Variants in CNBD1 observed in about 807,000 individuals in gnomAD.
CNBD1 encodes the protein cyclic nucleotide-binding domain-containing protein 1.
A neutral mutation model predicts 54.4 loss-of-function variants in CNBD1; 71 were observed. That is an observed-to-expected ratio of 1.30 (90% CI 1.08 to 1.59). CNBD1 has a LOEUF of 1.59. Ranked by LOEUF, CNBD1 falls within the 40% of genes most tolerant of loss-of-function variation. The pLI is 0.00. For synonymous variants in CNBD1, 182 were observed against 170.7 expected (o/e 1.07, Z -0.51); for missense variants, 659 against 518.0 (o/e 1.27, Z -2.64).
chr8:87,331,214 C>A (rs964013693), intron 8 of CNBD1, among the ~76,000 whole-genome samples: 4 of 152,136 alleles, frequency 2.6e-5, no homozygotes, highest in Non-Finnish European at 5.9e-5. Context: ...TTTCCCACCC[C>A]TTGCACCCCG....
intron 10 of CNBD1, among the ~76,000 whole-genome samples, chr8:87,367,385 T>C (rs1586051402): frequency 6.6e-6 from 1 of 152,110 alleles, no homozygotes; most frequent in South Asian, 2.1e-4. Flanking sequence ...GTTGAGGTGA[T>C]GAAGAGGTAT....
chr8:87,388,554 G>C (rs1285929123), intron 2 of CNBD1, among the ~76,000 whole-genome samples: 12 of 152,160 alleles, frequency 7.9e-5, no homozygotes, highest in African/African-American at 1.2e-4. Flanking sequence ...AAACCAGGAA[G>C]AAGCTGAATC....
At chr8:87,330,700 T>C (rs1218889726) in intron 8 of CNBD1, among the ~76,000 whole-genome samples, 2 of 152,204 alleles carry the variant, frequency 1.3e-5, no homozygotes, top group Non-Finnish European at 2.9e-5. Context: ...TTTTATGGGC[T>C]GAAATGTGGT....
chr8:87,374,144 C>T (rs1810877381), intron 10 of CNBD1, among the ~76,000 whole-genome samples: 1 of 151,612 alleles, frequency 6.6e-6, no homozygotes, highest in Non-Finnish European at 1.5e-5. Flanking sequence ...ATAATGTGCC[C>T]CATCAACATG....
At chr8:86,921,606 G>A (rs913292348) in intron 3 of CNBD1, among the ~76,000 whole-genome samples, 17 of 152,136 alleles carry the variant, frequency 1.1e-4, no homozygotes, top group African/African-American at 4.1e-4. Context: ...AAGACAGAAT[G>A]AGAGCAAAGT....
At chr8:87,407,026 G>T (rs1807663920) in intron 2 of CNBD1, among the ~76,000 whole-genome samples, 2 of 151,508 alleles carry the variant, frequency 1.3e-5, no homozygotes, top group Non-Finnish European at 2.9e-5. Context: ...TTACCTGAAG[G>T]CTATCATATA....
intron 4 of CNBD1, among the ~76,000 whole-genome samples, chr8:87,066,787 TTG>T (rs1810664694): frequency 6.6e-6 from 1 of 151,978 alleles, no homozygotes; most frequent in Non-Finnish European, 1.5e-5. Context: ...GTTTCAAAAA[TTG>T]TGATTAAAGT....
intron 4 of CNBD1, among the ~76,000 whole-genome samples, chr8:86,966,126 C>T (rs1439484717): frequency 2.6e-5 from 4 of 152,230 alleles, no homozygotes; most frequent in Non-Finnish European, 5.9e-5. Context: ...TGAGTCCCCA[C>T]TCTGGTCTGC....
chr8:87,400,120 T>G, intron 2 of CNBD1, among the ~76,000 whole-genome samples: 1 of 151,950 alleles, frequency 6.6e-6, no homozygotes, highest in East Asian at 1.9e-4. Context: ...CTTTTGTTCC[T>G]GTCTGAGCGA....
chr8:86,971,664 C>CT (rs976604293), intron 4 of CNBD1, among the ~76,000 whole-genome samples: 18 of 151,858 alleles, frequency 1.2e-4, no homozygotes, highest in African/African-American at 3.9e-4. Context: ...AGTTTCTATA[C>CT]TTTTTTTGAG....
chr8:87,426,128 C>T (rs36167360), intron 2 of CNBD1, among the ~76,000 whole-genome samples: 21 of 152,246 alleles, frequency 1.4e-4, no homozygotes, highest in Admixed American at 1.4e-3. Flanking sequence ...AGGGAACTCC[C>T]TGAGCCCTTG....
At chr8:87,377,876 T>C (rs1036952321) in intron 10 of CNBD1, among the ~76,000 whole-genome samples, 4 of 151,476 alleles carry the variant, frequency 2.6e-5, no homozygotes, top group East Asian at 1.9e-4. Context: ...CTCACTGTGG[T>C]TTCGATTTGC....
chr8:87,234,694 C>A (rs778041753), intron 5 of CNBD1, among the ~76,000 whole-genome samples: 6 of 152,012 alleles, frequency 3.9e-5, no homozygotes, highest in Non-Finnish European at 7.4e-5. Flanking sequence ...TTGTTCAGGG[C>A]CCTAGAATTT....
intron 4 of CNBD1, among the ~76,000 whole-genome samples, chr8:87,191,619 G>A (rs1375302751): frequency 6.6e-6 from 1 of 152,162 alleles, no homozygotes; most frequent in Non-Finnish European, 1.5e-5. Flanking sequence ...TAAGGATCCA[G>A]TTTAGGGAAA....
chr8:87,272,585 A>G (rs1459987210), intron 6 of CNBD1, among the ~76,000 whole-genome samples: 2 of 151,974 alleles, frequency 1.3e-5, no homozygotes, highest in African/African-American at 4.8e-5. Flanking sequence ...TGACAAGAAA[A>G]AGTCTGTGAT....
intron 5 of CNBD1, among the ~76,000 whole-genome samples, chr8:87,223,192 C>T (rs904842511): frequency 4.0e-5 from 6 of 150,502 alleles, no homozygotes; most frequent in Non-Finnish European, 8.9e-5. Context: ...TTTACCTCCC[C>T]ACCTTTTTGC....
chr8:86,919,223 G>A (rs2131822923), intron 3 of CNBD1, among the ~76,000 whole-genome samples: 1 of 152,196 alleles, frequency 6.6e-6, no homozygotes, highest in South Asian at 2.1e-4. Context: ...AATACATATT[G>A]TGGATGACAG....
At chr8:87,112,063 G>T (rs762144090) in intron 4 of CNBD1, among the ~76,000 whole-genome samples, 3 of 152,138 alleles carry the variant, frequency 2.0e-5, no homozygotes, top group Non-Finnish European at 2.9e-5. Flanking sequence ...GGACACTTCT[G>T]CAGAACTGAG....
At position 86,887,470 on chromosome 8, in the gene CNBD1, T is replaced by A. The variant is rs188193326; in HGVS notation, c.89-72T>A. Reference sequence around the variant, plus strand: ...TTTCACTATGATGAATGTTTGCAATTAAACTCTATTTACACACTTGCTTAA... The same window carrying A: ...TTTCACTATGATGAATGTTTGCAATAAAACTCTATTTACACACTTGCTTAA... On this transcript the variant is annotated intron_variant, in intron 1 of 10. Coordinates refer to ENST00000518476, the MANE Select transcript of CNBD1 (RefSeq NM_173538.3). The A allele has an allele frequency of 1.2e-5, 11 of 924,382 alleles. No individual in the cohort carries two copies. The African/African-American group carries it at 1.3e-4, about 11-fold the overall frequency. 57.3% of individuals were successfully genotyped at this position (924,382 alleles called of 1,614,324 possible). A position where few individuals can be genotyped will look rare whatever the true frequency, so the allele number is the denominator to read the frequency against.
Sources: allele counts gnomAD v4.1 joint callset (sites outside exome capture counted in the v4.1 genomes callset), GRCh38; gene constraint gnomAD v4.1.1; transcripts MANE v1.5; gene names NCBI Gene and HGNC (gene_info 2026-07-23, HGNC 2026-07-21).